Variants in DMD observed in about 807,000 individuals in gnomAD.
The protein encoded by DMD is dystrophin.
DMD carries 63 observed loss-of-function variants against 330.1 expected under a neutral mutation model. The ratio of observed to expected loss-of-function variants is 0.19; its 90% CI spans 0.16 to 0.24. The LOEUF (loss-of-function observed/expected upper bound fraction) is 0.24, where lower values mean the gene tolerates loss of function less well. Ranked by LOEUF, DMD falls within the 10% of genes least tolerant of loss-of-function variation. The pLI, the probability that DMD is intolerant of heterozygous loss-of-function variation, is 1.00. For missense variants in DMD, 3,344 were observed against 2,684.1 expected (o/e 1.25, Z -5.43); for synonymous variants, 1,223 against 959.8 (o/e 1.27, Z -5.07).
rs1295100394 is a variant in DMD, at chrX:32,595,759, T to C, written c.1600A>G (p.Lys534Glu). Residue 534 changes from lysine (K) to glutamate (E), a missense_variant and splice_region_variant, in exon 13 of 79, where the codon AAG becomes GAG. Physicochemically the swap from Lys to Glu is moderately conservative, Grantham distance 56. Coordinates refer to ENST00000357033, the MANE Select transcript of DMD (RefSeq NM_004006.3). ...TTTACTAAGCAAAATAATCTGACCT[T>C]AAGTTGTTCTTCCAAAGCAGCAGTT... is the stretch of plus-strand genomic sequence containing the variant. ...HATAALEEQLKVLGDRWANIC... is the reference protein window; with the variant it reads ...HATAALEEQLEVLGDRWANIC... The C allele has an allele frequency of 5.0e-6, 6 of 1,210,562 alleles. No homozygotes were observed. The highest frequency in any genetic ancestry group is 6.7e-6 in the Non-Finnish European group (6 of 894,431).
At chrX:31,522,357 C>CTATA (rs1205735701) in intron 55 of DMD, among the ~76,000 whole-genome samples, 42 of 57,630 alleles carry the variant, frequency 7.3e-4, no homozygotes, top group South Asian at 2.7e-3. Flanking sequence ...CTCTCTCTCT[C>CTATA]TCTCTCTATA....
chrX:32,189,473 C>G (rs1471976263), intron 44 of DMD, among the ~76,000 whole-genome samples: 2 of 110,238 alleles, frequency 1.8e-5, no homozygotes, highest in Non-Finnish European at 3.8e-5. Context: ...TAGCTGCTTC[C>G]AATGCCACAA....
chrX:32,698,144 G>A, intron 8 of DMD, 146 bp from the exon 9 acceptor site: 3 of 640,817 alleles, frequency 4.7e-6, no homozygotes, highest in Non-Finnish European at 7.0e-6. Context: ...ATATATAAAT[G>A]ATATTCGAAA....
chrX:32,735,463 T>G (rs778815125), intron 7 of DMD, among the ~76,000 whole-genome samples: 1 of 111,186 alleles, frequency 9.0e-6, no homozygotes, highest in South Asian at 3.8e-4. Context: ...ACCAAGTCAC[T>G]CCTAAGCCAA....
intron 7 of DMD, among the ~76,000 whole-genome samples, chrX:32,775,617 G>A (rs2074060816): frequency 1.8e-5 from 2 of 113,147 alleles, no homozygotes; most frequent in African/African-American, 3.2e-5. Context: ...GGCTGGAGCT[G>A]AAGCAGCTAG....
At chrX:32,746,564 T>C (rs1290454532) in intron 7 of DMD, among the ~76,000 whole-genome samples, 2 of 111,827 alleles carry the variant, frequency 1.8e-5, no homozygotes, top group African/African-American at 3.3e-5. Flanking sequence ...GTGTTTTCTT[T>C]TTAATGTTTA....
At chrX:31,591,597 G>T (rs1016054398) in intron 55 of DMD, among the ~76,000 whole-genome samples, 1 of 111,445 alleles carries the variant, frequency 9.0e-6, no homozygotes, top group Non-Finnish European at 1.9e-5. Context: ...ATTTAGAAAT[G>T]TAATAATCTG....
intron 16 of DMD, among the ~76,000 whole-genome samples, chrX:32,557,125 A>T (rs189671287): frequency 3.5e-3 from 395 of 111,527 alleles, no homozygotes; most frequent in African/African-American, 0.012. Context: ...TACTAATATT[A>T]TTCCTATTTT....
intron 7 of DMD, among the ~76,000 whole-genome samples, chrX:32,731,094 C>T (rs1167462332): frequency 1.8e-5 from 2 of 112,022 alleles, no homozygotes; most frequent in Non-Finnish European, 3.8e-5. Context: ...CATTGCCTCA[C>T]TCGGGAAGTG....
At chrX:32,457,307 A>C (rs756259171) in intron 25 of DMD, among the ~76,000 whole-genome samples, 1 of 111,372 alleles carries the variant, frequency 9.0e-6, no homozygotes, top group Non-Finnish European at 1.9e-5. Flanking sequence ...ATTGGCATCA[A>C]GAGAGAAGGG....
intron 21 of DMD, among the ~76,000 whole-genome samples, chrX:32,483,231 A>G (rs1276373951): frequency 1.0e-5 from 1 of 97,396 alleles, no homozygotes; most frequent in Non-Finnish European, 2.1e-5. Flanking sequence ...GAATAGTAAA[A>G]TTAAAGATGT....
intron 11 of DMD, among the ~76,000 whole-genome samples, chrX:32,637,701 C>T (rs1055288384): frequency 3.6e-5 from 4 of 111,452 alleles, no homozygotes; most frequent in South Asian, 3.8e-4. Context: ...TCCTTCTTCA[C>T]ATGGCAGCAG....
intron 44 of DMD, among the ~76,000 whole-genome samples, chrX:31,995,831 T>C (rs16998252): frequency 0.051 from 5,680 of 112,094 alleles, 131 homozygotes; most frequent in Admixed American, 0.11. Context: ...CTACTTTTCA[T>C]AGAAGGGGCC....
At chrX:32,503,291 G>A (rs2044249790) in intron 18 of DMD, among the ~76,000 whole-genome samples, 1 of 111,754 alleles carries the variant, frequency 8.9e-6, no homozygotes, top group African/African-American at 3.3e-5. Context: ...GGAATCTGAG[G>A]CAGAAGGACT....
intron 20 of DMD, among the ~76,000 whole-genome samples, chrX:32,489,310 T>C (rs1227387254): frequency 1.8e-5 from 2 of 108,965 alleles, no homozygotes; most frequent in Non-Finnish European, 3.8e-5. Flanking sequence ...GAGGTAATGA[T>C]GTTTATATGA....
At chrX:31,691,365 G>A (rs2148815746) in intron 52 of DMD, among the ~76,000 whole-genome samples, 1 of 111,319 alleles carries the variant, frequency 9.0e-6, no homozygotes, top group Non-Finnish European at 1.9e-5. Flanking sequence ...GAGGAAGAAA[G>A]GAACAAAGAA....
At chrX:32,663,808 G>T (rs1164191357) in intron 9 of DMD, among the ~76,000 whole-genome samples, 1 of 111,626 alleles carries the variant, frequency 9.0e-6, no homozygotes. Flanking sequence ...ATATCATTGA[G>T]AAAAAGATTT....
intron 48 of DMD, among the ~76,000 whole-genome samples, chrX:31,850,756 A>G (rs1403467992): frequency 1.8e-5 from 2 of 112,711 alleles, no homozygotes; most frequent in Middle Eastern, 4.6e-3. Context: ...TGAGTAATAA[A>G]TGTTTGTTGT....
At chrX:32,720,008 A>G (rs1244531657) in intron 7 of DMD, among the ~76,000 whole-genome samples, 2 of 110,409 alleles carry the variant, frequency 1.8e-5, no homozygotes, top group Non-Finnish European at 3.8e-5. Flanking sequence ...ACGTTTTAAT[A>G]TTAAAGTAAA....
Sources: gnomAD v4.1 joint callset for allele counts (sites outside exome capture counted in the v4.1 genomes callset) on GRCh38, gnomAD v4.1.1 for gene constraint, MANE v1.5 for transcripts, NCBI Gene and HGNC (gene_info 2026-07-23, HGNC 2026-07-21) for gene names.